The following DENND1A variants were observed in gnomAD, a reference collection of about 807,000 sequenced individuals.
The protein encoded by DENND1A is DENN domain containing 1A, also known as DENN domain-containing protein 1A.
DENND1A carries 51 observed loss-of-function variants against 113.7 expected under a neutral mutation model. The ratio of observed to expected loss-of-function variants is 0.45; its 90% CI spans 0.36 to 0.57. The LOEUF is 0.57. DENND1A is among the 20% of genes least tolerant of loss of function. The probability of loss-of-function intolerance (pLI) is 0.00; values close to 1 mark genes in which losing one functional copy is unlikely to be tolerated. For missense variants in DENND1A, 1,258 were observed against 1,395.9 expected (o/e 0.90, Z 1.57); for synonymous variants, 565 against 570.8 (o/e 0.99, Z 0.14).
At chr9:123,924,473 C>T (rs1856758126) in intron 1 of DENND1A, among the ~76,000 whole-genome samples, 1 of 151,926 alleles carries the variant, frequency 6.6e-6, no homozygotes, top group African/African-American at 2.4e-5. Context: ...ACTAGCCTGG[C>T]CAACATGGTG....
rs138718152 is a variant in DENND1A, at chr9:123,456,563, C to A, written c.1186+785G>T. Reference sequence around the variant, plus strand: ...GTGGCTCACACACCTGTAATCCCAGCACTTTGAGAGGCTGAGGCAGGTGGA... The same window carrying A: ...GTGGCTCACACACCTGTAATCCCAGAACTTTGAGAGGCTGAGGCAGGTGGA... On this transcript the variant is annotated intron_variant, in intron 15 of 23. Coordinates refer to ENST00000394215, the MANE Select transcript of DENND1A (RefSeq NM_001352964.2). 2.4e-3 allele frequency among the ~76,000 whole-genome samples: 360 copies of A among 152,316 alleles called. 7 individuals carry two copies. Among genetic ancestry groups the A allele is most frequent in the East Asian group, 0.023 (118 of 5,192 alleles).
At chr9:123,679,225 T>A (rs2064285449) in intron 5 of DENND1A, among the ~76,000 whole-genome samples, 1 of 152,142 alleles carries the variant, frequency 6.6e-6, no homozygotes, top group Non-Finnish European at 1.5e-5. Flanking sequence ...CTCTGACAGT[T>A]TAGGACTACA....
chr9:123,921,912 CTTT>C (rs113646800), intron 1 of DENND1A, among the ~76,000 whole-genome samples: 10 of 143,720 alleles, frequency 7.0e-5, no homozygotes, highest in African/African-American at 2.3e-4. Context: ...CAAAGCCATC[CTTT>C]TTTTTTTTTT....
intron 13 of DENND1A, 45 bp from the exon 14 acceptor site, chr9:123,457,942 G>A: frequency 6.9e-7 from 1 of 1,449,480 alleles, no homozygotes; most frequent in Non-Finnish European, 9.5e-7. Flanking sequence ...CACGGAGCAA[G>A]AGCCATCAGT....
At chr9:123,647,099 T>A (rs748942663) in intron 9 of DENND1A, among the ~76,000 whole-genome samples, 21 of 152,346 alleles carry the variant, frequency 1.4e-4, no homozygotes, top group Middle Eastern at 6.8e-3. Context: ...AAGAACTGCT[T>A]TGTCTCTATC....
At chr9:123,576,382 C>T (rs1043618734) in intron 12 of DENND1A, among the ~76,000 whole-genome samples, 3 of 152,200 alleles carry the variant, frequency 2.0e-5, no homozygotes. Context: ...GTTCTCTTCA[C>T]TTCCTTACAA....
chr9:123,763,079 T>G (rs2071176118), intron 4 of DENND1A, among the ~76,000 whole-genome samples: 1 of 111,768 alleles, frequency 8.9e-6, no homozygotes, highest in Non-Finnish European at 1.9e-5. Context: ...GAATTCAGAT[T>G]TTTTTTTTTT....
At chr9:123,853,014 G>A (rs1018265151) in intron 2 of DENND1A, among the ~76,000 whole-genome samples, 3 of 151,928 alleles carry the variant, frequency 2.0e-5, no homozygotes, top group Non-Finnish European at 4.4e-5. Context: ...CACCGCCTGG[G>A]TTAAAGCCAT....
chr9:123,766,592 C>A lies in DENND1A; in HGVS notation c.182+2922G>T, dbSNP rs140699501. ...TATATTTGGTGACTGGTCTTCCCTG[C>A]AAGGTGGTCTACTGAAACGTATTTG... On this transcript the variant is annotated intron_variant, in intron 4 of 23. Transcript: ENST00000394215. 7.5e-4 allele frequency among the ~76,000 whole-genome samples: 114 copies of A among 152,264 alleles called. 2 individuals are homozygous for A. Among genetic ancestry groups the A allele is most frequent in the African/African-American group, 2.5e-3 (105 of 41,564 alleles).
intron 2 of DENND1A, among the ~76,000 whole-genome samples, chr9:123,804,702 G>A (rs971282752): frequency 6.6e-6 from 1 of 152,086 alleles, no homozygotes; most frequent in East Asian, 1.9e-4. Context: ...ACATCCCAGA[G>A]CCAATGTATC....
Position 123,422,120 on chromosome 9 carries a change from G to A in DENND1A, c.1489-10291C>T, listed in dbSNP as rs2045358719. Among the ~76,000 whole-genome samples the A allele has an allele frequency of 6.6e-6, 1 of 152,226 alleles. No individual in the cohort carries two copies. The highest frequency in any genetic ancestry group is 2.4e-5 in the African/African-American group (1 of 41,456). On this transcript the variant is annotated intron_variant, in intron 19 of 23. Transcript: ENST00000394215. The surrounding 1 kb of genome is among the most constrained non-coding windows in gnomAD (Gnocchi z 4.8). ...TTCCCCTAAGAAGGTGAGTCCTTGA[G>A]GGTTCACATCTGGCTCCTGGCACAA...
chr9:123,765,801 T>G (rs1307464861), intron 4 of DENND1A, among the ~76,000 whole-genome samples: 1 of 152,096 alleles, frequency 6.6e-6, no homozygotes, highest in East Asian at 1.9e-4. Context: ...GATACAGGAA[T>G]CTCAACACTG....
intron 21 of DENND1A, among the ~76,000 whole-genome samples, chr9:123,395,468 C>CTCTGTGTGTGTGTG (rs367751848): frequency 4.1e-4 from 59 of 142,982 alleles, no homozygotes; most frequent in East Asian, 6.3e-4. Flanking sequence ...CTCTCTCTCT[C>CTCTGTGTGTGTGTG]TGTGTGTGTG....
chr9:123,553,405 C>CT (rs899595295), intron 13 of DENND1A, among the ~76,000 whole-genome samples: 3 of 151,488 alleles, frequency 2.0e-5, no homozygotes, highest in Non-Finnish European at 4.4e-5. Flanking sequence ...AAGCCGCCCC[C>CT]CCCCCGCTCC....
intron 20 of DENND1A, among the ~76,000 whole-genome samples, chr9:123,409,820 G>T (rs758718077): frequency 6.6e-6 from 1 of 152,146 alleles, no homozygotes; most frequent in South Asian, 2.1e-4. Context: ...GGCCGGGTGC[G>T]GTGGCTCACG....
intron 5 of DENND1A, among the ~76,000 whole-genome samples, chr9:123,703,805 C>A (rs1422243157): frequency 6.6e-6 from 1 of 151,822 alleles, no homozygotes; most frequent in Admixed American, 6.6e-5. Context: ...TGCCTAGGGC[C>A]AGGGGAGGTT....
chr9:123,601,393 G>A (rs953522997), intron 11 of DENND1A, among the ~76,000 whole-genome samples: 3 of 152,236 alleles, frequency 2.0e-5, no homozygotes, highest in Admixed American at 1.3e-4. Context: ...AAAAGCAAAT[G>A]CTTACTGTGA....
chr9:123,817,455 C>T (rs1022563101), intron 2 of DENND1A, among the ~76,000 whole-genome samples: 3 of 152,104 alleles, frequency 2.0e-5, no homozygotes, highest in Non-Finnish European at 4.4e-5. Context: ...GATAAGGCAA[C>T]CAACATTTTA....
chr9:123,423,305 G>C (rs2045457022), intron 19 of DENND1A, among the ~76,000 whole-genome samples: 1 of 152,216 alleles, frequency 6.6e-6, no homozygotes, highest in Non-Finnish European at 1.5e-5. Context: ...AAGTGAATCT[G>C]CATAATTAGG....
Sources: allele counts gnomAD v4.1 joint callset (sites outside exome capture counted in the v4.1 genomes callset), GRCh38; gene constraint gnomAD v4.1.1; non-coding constraint Gnocchi (gnomAD v3.1); transcripts MANE v1.5; gene names NCBI Gene and HGNC (gene_info 2026-07-23, HGNC 2026-07-21).